Variants in NRG3 observed in about 807,000 individuals in gnomAD.
The protein encoded by NRG3 is pro-neuregulin-3, membrane-bound isoform.
In NRG3, 31 loss-of-function variants were observed where a neutral mutation model predicts 66.9. The observed-to-expected ratio is 0.46, with a 90% CI of 0.35 to 0.63. The LOEUF (loss-of-function observed/expected upper bound fraction) is 0.63. NRG3 is among the 20% of genes least tolerant of loss of function. NRG3 has a pLI of 0.00. For missense variants in NRG3, 910 were observed against 878.9 expected (o/e 1.04, Z -0.45); for synonymous variants, 393 against 359.4 (o/e 1.09, Z -1.06).
chr10:82,194,666 C>T (rs540753227), intron 1 of NRG3, among the ~76,000 whole-genome samples: 3 of 152,284 alleles, frequency 2.0e-5, no homozygotes, highest in South Asian at 4.1e-4. Flanking sequence ...ACAGCAACAA[C>T]TGCTGTGAGA....
intron 2 of NRG3, among the ~76,000 whole-genome samples, chr10:82,481,677 T>C (rs187785449): frequency 6.6e-6 from 1 of 152,288 alleles, no homozygotes; most frequent in Non-Finnish European, 1.5e-5. Context: ...TTGAAATTAG[T>C]TCACAAATTA....
intron 1 of NRG3, among the ~76,000 whole-genome samples, chr10:82,253,711 C>A (rs1589478203): frequency 6.6e-6 from 1 of 152,306 alleles, no homozygotes; most frequent in Non-Finnish European, 1.5e-5. Flanking sequence ...TACATTTTAT[C>A]ATTTGATTCC....
intron 1 of NRG3, among the ~76,000 whole-genome samples, chr10:82,281,004 T>C (rs2079093282): frequency 6.6e-6 from 1 of 152,176 alleles, no homozygotes; most frequent in Non-Finnish European, 1.5e-5. Context: ...ATTAAATAGA[T>C]CTTATTTTTT....
In NRG3 at chr10:82,681,986, C is replaced by T. The variant is rs140543865; in HGVS notation, c.954-56591C>T. Among the ~76,000 whole-genome samples, 14 of 152,296 alleles carry T rather than the reference C, an allele frequency of 9.2e-5. No individual in the cohort carries two copies. In the South Asian group the frequency reaches 2.9e-3, roughly 32 times the overall value. ...GGGCGTAAGCTCAGTTCTCAACAAC[C>T]GCCTGCTGAATAGAACACTGGGCAA... On this transcript the variant is annotated intron_variant, in intron 2 of 8. Coordinates refer to ENST00000372141, the MANE Select transcript of NRG3 (RefSeq NM_001010848.4).
chr10:82,785,575 G>A (rs1171225673), intron 3 of NRG3, among the ~76,000 whole-genome samples: 1 of 152,046 alleles, frequency 6.6e-6, no homozygotes, highest in Non-Finnish European at 1.5e-5. Context: ...TTATAAAGTT[G>A]CAAAGAATAT....
intron 3 of NRG3, among the ~76,000 whole-genome samples, chr10:82,799,028 A>T (rs2135421742): frequency 6.6e-6 from 1 of 152,298 alleles, no homozygotes; most frequent in Non-Finnish European, 1.5e-5. Context: ...GAATTCAATG[A>T]TATAGAAGAG....
intron 4 of NRG3, among the ~76,000 whole-genome samples, chr10:82,941,995 T>TTCTG: frequency 6.7e-6 from 1 of 148,464 alleles, no homozygotes; most frequent in African/African-American, 2.5e-5. Flanking sequence ...ACATATAGGT[T>TTCTG]TGTGTGTGTG....
At chr10:82,448,171 T>C (rs2090836738) in intron 2 of NRG3, among the ~76,000 whole-genome samples, 1 of 152,200 alleles carries the variant, frequency 6.6e-6, no homozygotes, top group Admixed American at 6.5e-5. Flanking sequence ...AATCATAATC[T>C]ACTATTAGAA....
At chr10:81,893,270 A>C (rs1201740140) in intron 1 of NRG3, among the ~76,000 whole-genome samples, 1 of 152,128 alleles carries the variant, frequency 6.6e-6, no homozygotes, top group African/African-American at 2.4e-5. Context: ...TTTGCACTTC[A>C]TGTTACAATA....
chr10:82,098,244 C>CTA (rs1017221753), intron 1 of NRG3, among the ~76,000 whole-genome samples: 7 of 149,744 alleles, frequency 4.7e-5, no homozygotes, highest in East Asian at 2.0e-4. Flanking sequence ...TAGATGTCAT[C>CTA]TATATATATA....
At chr10:82,306,527 C>T (rs1192333101) in intron 1 of NRG3, among the ~76,000 whole-genome samples, 1 of 151,298 alleles carries the variant, frequency 6.6e-6, no homozygotes, top group Non-Finnish European at 1.5e-5. Flanking sequence ...TACGGTGAAA[C>T]CCGTCTCTAC....
At chr10:81,899,382 C>A (rs1843816905) in intron 1 of NRG3, among the ~76,000 whole-genome samples, 1 of 152,196 alleles carries the variant, frequency 6.6e-6, no homozygotes, top group East Asian at 1.9e-4. Flanking sequence ...AAGATAGTTT[C>A]ATTATTTATG....
chr10:82,342,136 A>G (rs1195870824), intron 1 of NRG3, among the ~76,000 whole-genome samples: 2 of 151,804 alleles, frequency 1.3e-5, no homozygotes, highest in Non-Finnish European at 1.5e-5. Context: ...TGTTATATAT[A>G]TGCACACACA....
intron 1 of NRG3, among the ~76,000 whole-genome samples, chr10:82,131,988 A>T (rs1305999426): frequency 1.3e-5 from 2 of 152,078 alleles, no homozygotes; most frequent in Non-Finnish European, 2.9e-5. Context: ...AAGCAAGGAT[A>T]ATTTGATCTC....
intron 3 of NRG3, among the ~76,000 whole-genome samples, chr10:82,764,562 C>G (rs773867889): frequency 6.6e-6 from 1 of 151,718 alleles, no homozygotes; most frequent in Non-Finnish European, 1.5e-5. Flanking sequence ...AGGGCTTCAC[C>G]ATGTTGGCCA....
Position 82,132,503 on chromosome 10 carries a change from A to C in NRG3, c.824-226236A>C, listed in dbSNP as rs1412601277. On this transcript the variant is annotated intron_variant, in intron 1 of 8. Coordinates refer to ENST00000372141, the MANE Select transcript of NRG3 (RefSeq NM_001010848.4). Reference sequence around the variant, plus strand: ...TGATATATATATATGATATATATATATCATATATATATGATATATATGATA... The same window carrying C: ...TGATATATATATATGATATATATATCTCATATATATATGATATATATGATA... 4.0e-4 allele frequency among the ~76,000 whole-genome samples: 12 copies of C among 30,346 alleles called. 1 individual carries two copies. Among genetic ancestry groups the C allele is most frequent in the African/African-American group, 2.7e-3 (12 of 4,512 alleles). The allele number at this position is 30,346 out of a possible 152,430, so 19.9% of individuals were successfully genotyped here. A position where few individuals can be genotyped will look rare whatever the true frequency, so the allele number is the denominator to read the frequency against.
chr10:82,645,365 G>GGAAT (rs1242245322), intron 2 of NRG3, among the ~76,000 whole-genome samples: 1 of 152,114 alleles, frequency 6.6e-6, no homozygotes. Context: ...TCTAATTCTT[G>GGAAT]GAATGCCTTG....
At chr10:82,476,225 G>A (rs1368409811) in intron 2 of NRG3, among the ~76,000 whole-genome samples, 1 of 152,190 alleles carries the variant, frequency 6.6e-6, no homozygotes, top group Non-Finnish European at 1.5e-5. Context: ...TGGTGAGAAT[G>A]TGGAGAAATG....
chr10:82,646,947 ATTTC>A (rs1002390582), intron 2 of NRG3, among the ~76,000 whole-genome samples: 7 of 134,258 alleles, frequency 5.2e-5, no homozygotes, highest in Non-Finnish European at 1.1e-4. Context: ...AAACTTTTGC[ATTTC>A]TTTTTTTTTT....
Sources: allele counts gnomAD v4.1 joint callset (sites outside exome capture counted in the v4.1 genomes callset), GRCh38; gene constraint gnomAD v4.1.1; transcripts MANE v1.5; gene names NCBI Gene and HGNC (gene_info 2026-07-23, HGNC 2026-07-21).